Variants in CDKN2B-AS1 observed in about 807,000 individuals in gnomAD.
CDKN2B-AS1 encodes the protein CDKN2B antisense RNA 1 (non-protein coding).
At chr9:22,109,843 A>AT (rs1451398907) in intron 4 of CDKN2B-AS1, among the ~76,000 whole-genome samples, 2 of 152,120 alleles carry the variant, frequency 1.3e-5, no homozygotes, top group African/African-American at 4.8e-5. Flanking sequence ...CTGGTGCAAG[A>AT]TTTTCCATGC....
At chr9:22,061,731 G>C (rs1316310307) in intron 4 of CDKN2B-AS1, among the ~76,000 whole-genome samples, 1 of 152,066 alleles carries the variant, frequency 6.6e-6, no homozygotes, top group African/African-American at 2.4e-5. Flanking sequence ...GTGTGGTAAT[G>C]GTTAAGGTAT....
chr9:22,087,673 A>G (rs1824911578), intron 4 of CDKN2B-AS1, among the ~76,000 whole-genome samples: 1 of 152,144 alleles, frequency 6.6e-6, no homozygotes, highest in African/African-American at 2.4e-5. Context: ...ATGTTTTCCT[A>G]ATTTCTGTCA....
chr9:22,087,999 T>C (rs1824922204), intron 4 of CDKN2B-AS1, among the ~76,000 whole-genome samples: 1 of 152,188 alleles, frequency 6.6e-6, no homozygotes, highest in African/African-American at 2.4e-5. Context: ...AAATAATCCT[T>C]CCACTGACTG....
At chr9:22,012,350 AC>A in intron 1 of CDKN2B-AS1, 3 of 1,214,914 alleles carry the variant, frequency 2.5e-6, no homozygotes, top group Non-Finnish European at 3.6e-6. Context: ...GAAACAGCCC[AC>A]CCCGCACCTG....
intron 4 of CDKN2B-AS1, among the ~76,000 whole-genome samples, chr9:22,113,507 A>G (rs73441204): frequency 0.01 from 1,534 of 152,328 alleles, 29 homozygotes; most frequent in African/African-American, 0.034. Flanking sequence ...CATTGCAGAG[A>G]CTAGGGTATA....
chr9:22,045,096 C>A (rs1308149699), intron 1 of CDKN2B-AS1, among the ~76,000 whole-genome samples: 1 of 142,126 alleles, frequency 7.0e-6, no homozygotes, highest in Non-Finnish European at 1.5e-5. Context: ...AATATGTGGT[C>A]TCCCTATGCA....
intron 1 of CDKN2B-AS1, among the ~76,000 whole-genome samples, chr9:22,013,801 T>C (rs999279336): frequency 6.6e-6 from 1 of 152,192 alleles, no homozygotes; most frequent in African/African-American, 2.4e-5. Flanking sequence ...TCTTTTTTTT[T>C]CTTTCAATTT....
intron 4 of CDKN2B-AS1, among the ~76,000 whole-genome samples, chr9:22,090,794 G>A (rs1478019464): frequency 6.6e-6 from 1 of 152,076 alleles, no homozygotes; most frequent in Non-Finnish European, 1.5e-5. Context: ...CACTCTGATG[G>A]TAGTTTCTTT....
intron 1 of CDKN2B-AS1, chr9:22,009,045 C>A: frequency 6.4e-7 from 1 of 1,573,474 alleles, no homozygotes; most frequent in Non-Finnish European, 8.7e-7. Context: ...GCTGCTCCGG[C>A]GCACTCTCTC....
intron 4 of CDKN2B-AS1, among the ~76,000 whole-genome samples, chr9:22,122,505 TC>T (rs1490461959): frequency 6.6e-6 from 1 of 152,174 alleles, no homozygotes; most frequent in Non-Finnish European, 1.5e-5. Flanking sequence ...TTCTATGTTT[TC>T]TTCTAGTAAT....
intron 1 of CDKN2B-AS1, among the ~76,000 whole-genome samples, chr9:22,017,237 C>T (rs1471924906): frequency 6.6e-6 from 1 of 152,070 alleles, no homozygotes; most frequent in Admixed American, 6.6e-5. Context: ...CCAGCCTGGC[C>T]AATATGGTGA....
intron 4 of CDKN2B-AS1, chr9:22,058,404 C>T (rs1823665437): frequency 6.6e-6 from 1 of 152,170 alleles, no homozygotes; most frequent in Non-Finnish European, 1.5e-5. Flanking sequence ...ATGAAGGACA[C>T]ACCAGGGAAA....
At chr9:22,052,028 A>G (rs1446830061) in intron 3 of CDKN2B-AS1, among the ~76,000 whole-genome samples, 2 of 151,988 alleles carry the variant, frequency 1.3e-5, no homozygotes, top group Non-Finnish European at 2.9e-5. Context: ...TCCTCACATC[A>G]TGGTGGGGGA....
In CDKN2B-AS1 at chr9:22,116,331, T is replaced by C. The variant is rs963304130; in HGVS notation, n.439-10772T>C. Among the ~76,000 whole-genome samples, 13 of 152,320 alleles carry C rather than the reference T, an allele frequency of 8.5e-5. No individual in the cohort carries two copies. In the South Asian group the frequency reaches 2.5e-3, roughly 29 times the overall value. On this transcript the variant is annotated intron_variant and non_coding_transcript_variant, in intron 4 of 4. Transcript: ENST00000650946. Reference sequence around the variant, plus strand: ...TCTTCAACTAGTATTTACTGAATGGTCTTATGTGCCACAACTGTTCTGGAA... The same window carrying C: ...TCTTCAACTAGTATTTACTGAATGGCCTTATGTGCCACAACTGTTCTGGAA...
chr9:22,056,734 T>C (rs1033900161), intron 4 of CDKN2B-AS1, among the ~76,000 whole-genome samples: 1 of 152,218 alleles, frequency 6.6e-6, no homozygotes, highest in Non-Finnish European at 1.5e-5. Flanking sequence ...ATCATTTAAA[T>C]ATCTTTAAAT....
intron 4 of CDKN2B-AS1, among the ~76,000 whole-genome samples, chr9:22,061,471 A>G (rs1359338480): frequency 6.6e-6 from 1 of 152,220 alleles, no homozygotes; most frequent in African/African-American, 2.4e-5. Flanking sequence ...TAAAAAGTAT[A>G]TATTGGGCCT....
chr9:22,120,570 A>G (rs1239605555), intron 4 of CDKN2B-AS1: 1 of 152,218 alleles, frequency 6.6e-6, no homozygotes, highest in Admixed American at 6.5e-5. Flanking sequence ...AAGCTGTGGC[A>G]GAACCAGGAC....
intron 4 of CDKN2B-AS1, among the ~76,000 whole-genome samples, chr9:22,059,993 A>T (rs1253860952): frequency 2.0e-5 from 3 of 152,194 alleles, no homozygotes; most frequent in Non-Finnish European, 2.9e-5. Context: ...CCCTGGGTCC[A>T]GTCCATGAAA....
chr9:22,011,750 G>C (rs1821518953), intron 1 of CDKN2B-AS1, among the ~76,000 whole-genome samples: 1 of 152,184 alleles, frequency 6.6e-6, no homozygotes, highest in African/African-American at 2.4e-5. Context: ...GGACAATAGA[G>C]TGAGATTATG....
Sources: allele counts gnomAD v4.1 joint callset (sites outside exome capture counted in the v4.1 genomes callset), GRCh38; gene constraint gnomAD v4.1.1; transcripts MANE v1.5; gene names NCBI Gene and HGNC (gene_info 2026-07-23, HGNC 2026-07-21).